Variants in NBPF3 observed in about 807,000 individuals in gnomAD.
The protein encoded by NBPF3 is NBPF family member NBPF3.
NBPF3 carries 57 observed loss-of-function variants against 78.1 expected under a neutral mutation model. The observed-to-expected ratio is 0.73, with a 90% CI of 0.59 to 0.91. NBPF3 has a LOEUF of 0.91. NBPF3 is among the 40% of genes least tolerant of loss of function. NBPF3 has a pLI of 0.00. For synonymous variants in NBPF3, 182 were observed against 271.7 expected (o/e 0.67, Z 3.25); for missense variants, 510 against 715.3 (o/e 0.71, Z 3.27).
At chr1:21,473,050 C>T in intron 6 of NBPF3, 135 bp downstream of exon 6, 3 of 760,464 alleles carry the variant, frequency 3.9e-6, no homozygotes, top group Non-Finnish European at 6.9e-6. Flanking sequence ...CTCAAGCCAG[C>T]TTGGACACAG....
chr1:21,463,246 AG>A (rs1304497488), intron 2 of NBPF3, among the ~76,000 whole-genome samples: 2 of 152,280 alleles, frequency 1.3e-5, no homozygotes, highest in African/African-American at 4.8e-5. Context: ...GTTCTCAGAG[AG>A]GTCTCGACTT....
rs1480460840 is a variant in NBPF3 at position 21,457,640 on chromosome 1, T to G, written c.134-11048T>G. Among the ~76,000 whole-genome samples, 3 of 152,068 alleles carry G rather than the reference T, an allele frequency of 2.0e-5. No homozygotes were observed. In the East Asian group the frequency reaches 5.8e-4, roughly 29 times the overall value. On this transcript the variant is annotated intron_variant, in intron 2 of 14. Transcript: ENST00000318249. Reference sequence around the variant, plus strand: ...AAAGGCTGAAAATAGCACATGTTGGTGAGGATATAAAGCACTTGGAAGTCT... The same window carrying G: ...AAAGGCTGAAAATAGCACATGTTGGGGAGGATATAAAGCACTTGGAAGTCT...
At chr1:21,475,870 G>T (rs115034538) in intron 8 of NBPF3, among the ~76,000 whole-genome samples, 4,531 of 152,184 alleles carry the variant, frequency 0.03, 92 homozygotes, top group Non-Finnish European at 0.045. Flanking sequence ...TTGACAGTGG[G>T]GTGTTAAAGT....
chr1:21,468,755 G>A lies in NBPF3; in HGVS notation c.201G>A (p.Glu67=), dbSNP rs762904428. The A allele has an allele frequency of 1.2e-6, 2 of 1,613,772 alleles. No individual in the cohort carries two copies. ...MVVSAGPWSG[E]KAEMNILEIN... The stretch of plus-strand genomic sequence containing the variant: ...TATCTGCCGGCCCTTGGTCCGGTGA[G>A]AAGGCAGAGATGAACATTCTAGAAA... The change falls in exon 3 of 15, where the codon GAG becomes GAA. Residue 67 remains glutamate, a synonymous_variant. Transcript: ENST00000318249.
At chr1:21,462,013 C>T (rs1421929999) in intron 2 of NBPF3, among the ~76,000 whole-genome samples, 1 of 151,756 alleles carries the variant, frequency 6.6e-6, no homozygotes, top group Non-Finnish European at 1.5e-5. Context: ...TTAAAAAGTG[C>T]CTCTCACCTT....
In NBPF3 at chr1:21,471,789, G is replaced by A; in HGVS notation, c.661+6G>A. 1 of 1,612,468 alleles carries A rather than the reference G, an allele frequency of 6.2e-7. No individual in the cohort carries two copies. The highest frequency in any genetic ancestry group is 8.5e-7 in the Non-Finnish European group (1 of 1,179,812). On this transcript the variant is annotated splice_donor_region_variant and intron_variant, in intron 5 of 14. Transcript: ENST00000318249. The stretch of plus-strand genomic sequence containing the variant: ...CGTCCAAAAGCTCAGCCCAGGTGAG[G>A]TGGCCATAGGCCCTGATGACCCAAA...
chr1:21,455,523 G>A (rs7412411), intron 2 of NBPF3, among the ~76,000 whole-genome samples: 15 of 152,202 alleles, frequency 9.9e-5, no homozygotes, highest in Non-Finnish European at 1.9e-4. Context: ...AGCAGTGTAC[G>A]ACAGGCAGTA....
Position 21,444,939 on chromosome 1 carries a change from A to G in NBPF3, c.-139-9A>G, listed in dbSNP as rs78696607. 173 of 772,514 alleles carry G rather than the reference A, an allele frequency of 2.2e-4. No individual in the cohort carries two copies. The highest frequency in any genetic ancestry group is 1.6e-3 in the African/African-American group (88 of 56,770). 47.9% of individuals were successfully genotyped at this position (772,514 alleles called of 1,614,324 possible). ...ATGTTAACCTTGATTTCTCTCTTTT[A>G]TCTCACAGGCAATCTGAAGGCAAAT... is the stretch of plus-strand genomic sequence containing the variant. On this transcript the variant is annotated splice_polypyrimidine_tract_variant and intron_variant, in intron 1 of 14. Coordinates refer to ENST00000318249, the MANE Select transcript of NBPF3 (RefSeq NM_032264.6).
upstream of NBPF3, chr1:21,437,260 T>TG (rs1418510359): frequency 2.9e-6 from 1 of 341,202 alleles, no homozygotes; most frequent in South Asian, 4.2e-5. Flanking sequence ...GCCCTCGGGG[T>TG]GGTGTCAGAA....
At chr1:21,473,326 T>G (rs1051540957) in intron 6 of NBPF3, 54 bp from the exon 7 acceptor site, 2 of 1,583,816 alleles carry the variant, frequency 1.3e-6, no homozygotes, top group Admixed American at 1.7e-5. Context: ...CTCCCTGGTG[T>G]CCAATCCCTC....
At chr1:21,459,800 T>C in intron 2 of NBPF3, 1 of 305,530 alleles carries the variant, frequency 3.3e-6, no homozygotes, top group South Asian at 3.6e-5. Context: ...AGGTGGGGGC[T>C]CCACCGATGC....
intron 2 of NBPF3, among the ~76,000 whole-genome samples, chr1:21,445,504 G>C (rs12118362): frequency 5.3e-5 from 8 of 150,154 alleles, no homozygotes; most frequent in Non-Finnish European, 7.4e-5. Flanking sequence ...CCCTCTCCCC[G>C]CTCTTCCCCT....
rs1171537258 is a variant in NBPF3, at chr1:21,483,407, A to C, written c.*21A>C. On this transcript the variant is annotated 3_prime_UTR_variant, in exon 15 of 15. Transcript: ENST00000318249. The stretch of plus-strand genomic sequence containing the variant: ...ACTAAGCAGCCCTTACTAAGCTGAG[A>C]GATGTCATTGCTGCAGGCAGGACGT... 1 of 731,074 alleles carries C rather than the reference A, an allele frequency of 1.4e-6. No homozygotes were observed. Among genetic ancestry groups the C allele is most frequent in the Admixed American group, 3.4e-5 (1 of 29,182 alleles). 45.3% of individuals were successfully genotyped at this position (731,074 alleles called of 1,614,324 possible).
chr1:21,478,477 G>T (rs1250615822), intron 9 of NBPF3, among the ~76,000 whole-genome samples, 170 bp downstream of exon 9: 3 of 152,210 alleles, frequency 2.0e-5, no homozygotes, highest in African/African-American at 7.2e-5. Flanking sequence ...AAGCACAGGC[G>T]TGGGGTGGGT....
At chr1:21,440,400 G>T (rs917847076) in intron 1 of NBPF3, 52 bp downstream of exon 1, 2 of 143,556 alleles carry the variant, frequency 1.4e-5, no homozygotes, top group African/African-American at 5.1e-5. Flanking sequence ...ACCGGCGGGC[G>T]CACACCTGGG....
intron 2 of NBPF3, among the ~76,000 whole-genome samples, chr1:21,456,363 T>C (rs775405005): frequency 6.6e-5 from 10 of 152,214 alleles, no homozygotes; most frequent in Non-Finnish European, 1.2e-4. Flanking sequence ...TCCTTAGTAT[T>C]TTCTGTCCTT....
At chr1:21,478,502 C>T (rs545387970) in intron 9 of NBPF3, among the ~76,000 whole-genome samples, 195 bp downstream of exon 9, 1 of 152,246 alleles carries the variant, frequency 6.6e-6, no homozygotes, top group African/African-American at 2.4e-5. Context: ...GAGCTTTGCT[C>T]TCTTCCTAGT....
intron 2 of NBPF3, among the ~76,000 whole-genome samples, chr1:21,449,114 TC>T (rs1394923203): frequency 6.6e-6 from 1 of 152,216 alleles, no homozygotes; most frequent in Non-Finnish European, 1.5e-5. Flanking sequence ...TGTAGTCATT[TC>T]CTAATCCCTG....
chr1:21,451,381 G>A (rs1641301553), intron 2 of NBPF3, among the ~76,000 whole-genome samples: 1 of 152,222 alleles, frequency 6.6e-6, no homozygotes, highest in Non-Finnish European at 1.5e-5. Context: ...GTTTGGTTCT[G>A]TAAGAATATG....
Sources: gnomAD v4.1 joint callset for allele counts (sites outside exome capture counted in the v4.1 genomes callset) on GRCh38, gnomAD v4.1.1 for gene constraint, MANE v1.5 for transcripts, NCBI Gene and HGNC (gene_info 2026-07-23, HGNC 2026-07-21) for gene names.